The following NKAIN2 variants were observed in gnomAD, a reference collection of about 807,000 sequenced individuals.
NKAIN2 encodes sodium/potassium-transporting ATPase subunit beta-1-interacting protein 2.
In NKAIN2, 14 loss-of-function variants were observed where a neutral mutation model predicts 32.6. That is an observed-to-expected ratio of 0.43 (90% CI 0.28 to 0.67). NKAIN2 has a LOEUF of 0.67. Ranked by LOEUF, NKAIN2 falls within the 30% of genes least tolerant of loss-of-function variation. The pLI is 0.17. For synonymous variants in NKAIN2, 80 were observed against 87.2 expected, an observed-to-expected ratio of 0.92 and a Z score of 0.46; for missense variants, 198 against 258.3, an observed-to-expected ratio of 0.77 and a Z score of 1.60.
intron 1 of NKAIN2, among the ~76,000 whole-genome samples, chr6:123,942,494 A>G (rs1449455943): frequency 6.6e-6 from 1 of 151,998 alleles, no homozygotes; most frequent in South Asian, 2.1e-4. Flanking sequence ...CTTAAGTTAC[A>G]TTCATTGATT....
chr6:124,212,093 A>G (rs1376400392), intron 1 of NKAIN2, among the ~76,000 whole-genome samples: 3 of 152,130 alleles, frequency 2.0e-5, no homozygotes, highest in Non-Finnish European at 4.4e-5. Flanking sequence ...ACATGGGAAT[A>G]CATTGCTTTT....
At chr6:124,479,588 A>C (rs985140912) in intron 3 of NKAIN2, among the ~76,000 whole-genome samples, 1 of 152,178 alleles carries the variant, frequency 6.6e-6, no homozygotes, top group Non-Finnish European at 1.5e-5. Flanking sequence ...GAAAGCTGTA[A>C]CATTTTAAGT....
At position 124,566,911 on chromosome 6, in the gene NKAIN2, G is replaced by T. The variant is rs559767653; in HGVS notation, c.274-91275G>T. Among the ~76,000 whole-genome samples the T allele has an allele frequency of 3.3e-5, 5 of 152,224 alleles. No individual in the cohort carries two copies. In the South Asian group the frequency reaches 1.0e-3, roughly 32 times the overall value. ...ATGAAAGAGAGAAAGAAAGAAAAGAGAATGTCCATAATTAAGTTTGTAAAA... is the reference window on the plus strand; with the variant it reads ...ATGAAAGAGAGAAAGAAAGAAAAGATAATGTCCATAATTAAGTTTGTAAAA... On this transcript the variant is annotated intron_variant, in intron 3 of 6. Coordinates refer to ENST00000368417, the MANE Select transcript of NKAIN2 (RefSeq NM_001040214.3).
At chr6:123,962,362 G>A (rs1777884849) in intron 1 of NKAIN2, among the ~76,000 whole-genome samples, 1 of 152,068 alleles carries the variant, frequency 6.6e-6, no homozygotes. Context: ...GGGCACATTG[G>A]ACTATCATCA....
At chr6:124,710,402 G>A (rs922457760) in intron 4 of NKAIN2, among the ~76,000 whole-genome samples, 39 of 150,934 alleles carry the variant, frequency 2.6e-4, no homozygotes, top group Non-Finnish European at 4.2e-4. Context: ...TTTCTGTCTC[G>A]TTGATCTGTC....
At chr6:123,825,174 T>G (rs111877933) in intron 1 of NKAIN2, among the ~76,000 whole-genome samples, 13 of 152,200 alleles carry the variant, frequency 8.5e-5, no homozygotes, top group African/African-American at 3.1e-4. Context: ...ATGAGTGCCC[T>G]GCCGTCATGA....
At chr6:124,327,883 T>A (rs1797488107) in intron 2 of NKAIN2, among the ~76,000 whole-genome samples, 1 of 152,172 alleles carries the variant, frequency 6.6e-6, no homozygotes. Context: ...AGAGTAGATA[T>A]GTAGTAATTT....
At chr6:124,790,121 G>C (rs1200895595) in intron 4 of NKAIN2, among the ~76,000 whole-genome samples, 1 of 152,072 alleles carries the variant, frequency 6.6e-6, no homozygotes, top group Non-Finnish European at 1.5e-5. Context: ...CTTTTTGGAA[G>C]ATAGCTAGAA....
chr6:124,521,213 T>C (rs529238170), intron 3 of NKAIN2, among the ~76,000 whole-genome samples: 26 of 152,320 alleles, frequency 1.7e-4, no homozygotes, highest in African/African-American at 5.8e-4. Flanking sequence ...TTCCCATCAC[T>C]GTTCCCCGTC....
intron 1 of NKAIN2, among the ~76,000 whole-genome samples, chr6:124,140,955 A>G (rs1438898463): frequency 2.6e-5 from 4 of 152,330 alleles, no homozygotes; most frequent in South Asian, 4.1e-4. Context: ...AGATAAAACT[A>G]TGGAGTTCAA....
chr6:124,238,750 G>T (rs1418403493), intron 1 of NKAIN2, among the ~76,000 whole-genome samples: 4 of 152,126 alleles, frequency 2.6e-5, no homozygotes, highest in Non-Finnish European at 5.9e-5. Flanking sequence ...TCACCACCAG[G>T]CCTGCCTTAC....
intron 3 of NKAIN2, among the ~76,000 whole-genome samples, chr6:124,426,728 A>G (rs944334769): frequency 3.3e-5 from 5 of 152,158 alleles, no homozygotes; most frequent in Non-Finnish European, 2.9e-5. Flanking sequence ...ATCTTGAATT[A>G]TAGCTCCCAT....
chr6:124,558,871 C>A (rs962432270), intron 3 of NKAIN2, among the ~76,000 whole-genome samples: 1 of 152,236 alleles, frequency 6.6e-6, no homozygotes, highest in South Asian at 2.1e-4. Context: ...ATTGCTTGAA[C>A]TGGGGAGGTG....
chr6:124,134,615 C>CGGAG (rs2114285609), intron 1 of NKAIN2, among the ~76,000 whole-genome samples: 1 of 152,204 alleles, frequency 6.6e-6, no homozygotes, highest in Admixed American at 6.5e-5. Flanking sequence ...ACCCAGTAGG[C>CGGAG]GGAGGCTGCA....
chr6:124,451,743 A>G (rs1776115515), intron 3 of NKAIN2, among the ~76,000 whole-genome samples: 1 of 152,170 alleles, frequency 6.6e-6, no homozygotes, highest in Admixed American at 6.5e-5. Flanking sequence ...TCAAACCTCT[A>G]ATCACCAAAT....
chr6:124,242,372 A>T (rs1010063164), intron 1 of NKAIN2, among the ~76,000 whole-genome samples: 3 of 152,150 alleles, frequency 2.0e-5, no homozygotes, highest in South Asian at 2.1e-4. Context: ...TAGAATGGTG[A>T]TCATTAAAAA....
intron 1 of NKAIN2, among the ~76,000 whole-genome samples, chr6:124,173,670 C>G (rs1207110755): frequency 6.6e-6 from 1 of 151,988 alleles, no homozygotes; most frequent in Non-Finnish European, 1.5e-5. Flanking sequence ...CTTTATGATA[C>G]CTATATCAAA....
chr6:123,889,098 A>G (rs1773869353), intron 1 of NKAIN2, among the ~76,000 whole-genome samples: 1 of 152,154 alleles, frequency 6.6e-6, no homozygotes, highest in African/African-American at 2.4e-5. Context: ...GAGTGCCTTG[A>G]AAGTGATGCT....
intron 3 of NKAIN2, among the ~76,000 whole-genome samples, chr6:124,361,260 C>T (rs1254633303): frequency 6.6e-6 from 1 of 151,962 alleles, no homozygotes; most frequent in East Asian, 1.9e-4. Flanking sequence ...TCTGGATTGT[C>T]CGTAAAAACC....
Sources: allele counts gnomAD v4.1 joint callset (sites outside exome capture counted in the v4.1 genomes callset), GRCh38; gene constraint gnomAD v4.1.1; transcripts MANE v1.5; gene names NCBI Gene and HGNC (gene_info 2026-07-23, HGNC 2026-07-21).